The following CSMD3 variants were observed in gnomAD, a reference collection of about 807,000 sequenced individuals.
CSMD3 encodes CUB and Sushi multiple domains 3, also known as CUB and sushi domain-containing protein 3.
CSMD3 carries 177 observed loss-of-function variants against 435.2 expected under a neutral mutation model. That is an observed-to-expected ratio of 0.41 (90% CI 0.36 to 0.46). The LOEUF (loss-of-function observed/expected upper bound fraction) is 0.46. CSMD3 is among the 20% of genes least tolerant of loss of function. The probability of loss-of-function intolerance (pLI) is 0.34; values close to 1 mark genes in which losing one functional copy is unlikely to be tolerated. For missense variants in CSMD3, 4,265 were observed against 4,504.6 expected (o/e 0.95, Z 1.52); for synonymous variants, 1,656 against 1,520.5 (o/e 1.09, Z -2.07).
chr8:112,668,799 G>A (rs1278588919), intron 16 of CSMD3, among the ~76,000 whole-genome samples: 1 of 151,662 alleles, frequency 6.6e-6, no homozygotes, highest in Non-Finnish European at 1.5e-5. Flanking sequence ...GGGTCGGTCA[G>A]CAAAAGTCTC....
intron 3 of CSMD3, among the ~76,000 whole-genome samples, chr8:113,180,744 A>C (rs1293754178): frequency 6.6e-6 from 1 of 152,094 alleles, no homozygotes; most frequent in Non-Finnish European, 1.5e-5. Context: ...AACTTGTTTT[A>C]ATAAGCACTG....
At position 113,054,798 on chromosome 8, in the gene CSMD3, C is replaced by T. The variant is rs147688363; in HGVS notation, c.918-35619G>A. On this transcript the variant is annotated intron_variant, in intron 5 of 70. Transcript: ENST00000297405. ...TAACATTTTTTTCTTTAATCCATTC[C>T]TCATGGGCTTTCATCCACTCCACTT... 4.7e-3 allele frequency among the ~76,000 whole-genome samples: 711 copies of T among 152,130 alleles called. 5 individuals carry two copies. The highest frequency in any genetic ancestry group is 0.015 in the African/African-American group (620 of 41,530).
intron 10 of CSMD3, among the ~76,000 whole-genome samples, chr8:112,879,029 G>T (rs1467044182): frequency 6.6e-6 from 1 of 152,114 alleles, no homozygotes; most frequent in Admixed American, 6.6e-5. Flanking sequence ...TGGGCACCTT[G>T]AAAGAAGAAC....
At chr8:112,983,838 G>A (rs76904204) in intron 6 of CSMD3, among the ~76,000 whole-genome samples, 7,205 of 152,038 alleles carry the variant, frequency 0.047, 228 homozygotes, top group Non-Finnish European at 0.069. Flanking sequence ...CTGGAAGAAA[G>A]ACTATTATGG....
chr8:112,313,336 C>G (rs1347689324), intron 49 of CSMD3, among the ~76,000 whole-genome samples: 1 of 152,098 alleles, frequency 6.6e-6, no homozygotes, highest in Non-Finnish European at 1.5e-5. Flanking sequence ...TGATGTGTTA[C>G]TCTCTCTTTC....
At chr8:112,247,254 A>C (rs745772706) in intron 63 of CSMD3, 123 bp from the exon 64 acceptor site, 1 of 667,604 alleles carries the variant, frequency 1.5e-6, no homozygotes. Context: ...GAAGAAAAAA[A>C]TAATTGAAAT....
chr8:113,426,085 T>C (rs1435859250), intron 1 of CSMD3, among the ~76,000 whole-genome samples: 1 of 151,102 alleles, frequency 6.6e-6, no homozygotes, highest in East Asian at 1.9e-4. Context: ...TCCAAAAGAG[T>C]CAGCTGTATT....
chr8:112,228,020 C>T (rs1486157661), intron 70 of CSMD3, among the ~76,000 whole-genome samples: 9 of 151,880 alleles, frequency 5.9e-5, no homozygotes, highest in African/African-American at 1.5e-4. Flanking sequence ...CCATCCTGAG[C>T]GACAGAGCAA....
chr8:112,827,523 A>C (rs2079734347), intron 12 of CSMD3, among the ~76,000 whole-genome samples: 1 of 152,142 alleles, frequency 6.6e-6, no homozygotes, highest in Non-Finnish European at 1.5e-5. Flanking sequence ...CATCAAATAC[A>C]TGTTTTACAA....
chr8:112,383,769 T>C (rs1240481900), intron 36 of CSMD3, 106 bp from the exon 37 acceptor site: 2 of 771,930 alleles, frequency 2.6e-6, no homozygotes, highest in Admixed American at 1.9e-5. Context: ...CTGAACCACA[T>C]AATTGTGACC....
At chr8:112,738,869 T>C (rs2077243296) in intron 13 of CSMD3, among the ~76,000 whole-genome samples, 1 of 151,748 alleles carries the variant, frequency 6.6e-6, no homozygotes, top group Non-Finnish European at 1.5e-5. Context: ...TCACCACTTA[T>C]TGCAGAATTC....
chr8:112,884,693 A>C (rs569336789), intron 10 of CSMD3, among the ~76,000 whole-genome samples: 1 of 151,308 alleles, frequency 6.6e-6, no homozygotes, highest in Non-Finnish European at 1.5e-5. Context: ...TTTTCCACCT[A>C]ATCTCTTTAA....
chr8:113,296,711 C>A (rs946351201), intron 2 of CSMD3, among the ~76,000 whole-genome samples: 2 of 152,040 alleles, frequency 1.3e-5, no homozygotes, highest in Admixed American at 6.6e-5. Flanking sequence ...ATAGAGAATA[C>A]CAAAAAGTTG....
intron 38 of CSMD3, among the ~76,000 whole-genome samples, chr8:112,361,815 A>T (rs1442864266): frequency 2.6e-5 from 4 of 151,486 alleles, no homozygotes; most frequent in Non-Finnish European, 5.9e-5. Flanking sequence ...TTGGTTTTGC[A>T]TTTATGTGAG....
At chr8:113,074,293 ATCT>A (rs1177872431) in intron 5 of CSMD3, among the ~76,000 whole-genome samples, 3 of 151,826 alleles carry the variant, frequency 2.0e-5, no homozygotes, top group Non-Finnish European at 2.9e-5. Flanking sequence ...TATTAATTCC[ATCT>A]TCTTAAGCAA....
intron 24 of CSMD3, among the ~76,000 whole-genome samples, chr8:112,558,476 C>G (rs1189689580): frequency 6.6e-6 from 1 of 151,790 alleles, no homozygotes; most frequent in Non-Finnish European, 1.5e-5. Flanking sequence ...ATCACTGAAC[C>G]GCAGCATAAA....
At chr8:112,452,585 C>T (rs944824042) in intron 32 of CSMD3, among the ~76,000 whole-genome samples, 2 of 152,132 alleles carry the variant, frequency 1.3e-5, no homozygotes, top group African/African-American at 4.8e-5. Flanking sequence ...GAAGTACCTA[C>T]CTACTGGTGA....
chr8:112,597,141 G>C (rs552549832), intron 22 of CSMD3, among the ~76,000 whole-genome samples: 24,726 of 150,548 alleles, frequency 0.16, 2,545 homozygotes, highest in South Asian at 0.29. Flanking sequence ...AAGAAGAAAA[G>C]AGAGAAGAGT....
At position 113,418,476 on chromosome 8, in the gene CSMD3, T is replaced by C. The variant is rs1396185906; in HGVS notation, c.178+18201A>G. Reference sequence around the variant, plus strand: ...AGTAAGAGTCCAACTGTGACGTGTATTGAATACCAGAAAGATGTGGTTAAG... The same window carrying C: ...AGTAAGAGTCCAACTGTGACGTGTACTGAATACCAGAAAGATGTGGTTAAG... On this transcript the variant is annotated intron_variant, in intron 1 of 70. Coordinates refer to ENST00000297405, the MANE Select transcript of CSMD3 (RefSeq NM_198123.2). Among the ~76,000 whole-genome samples the C allele has an allele frequency of 2.6e-5, 4 of 152,148 alleles. No homozygotes were observed. In the South Asian group the frequency reaches 6.2e-4, roughly 24 times the overall value.
Sources: gnomAD v4.1 joint callset for allele counts (sites outside exome capture counted in the v4.1 genomes callset) on GRCh38, gnomAD v4.1.1 for gene constraint, MANE v1.5 for transcripts, NCBI Gene and HGNC (gene_info 2026-07-23, HGNC 2026-07-21) for gene names.